MGA: variants seen among roughly 807,000 people sequenced by gnomAD.
The protein encoded by MGA is MAX gene-associated protein.
A neutral mutation model predicts 261.1 loss-of-function variants in MGA; 40 were observed. That is an observed-to-expected ratio of 0.15 (90% confidence interval 0.12 to 0.20). The LOEUF is 0.20. MGA is among the 10% of genes least tolerant of loss of function. The pLI is 1.00. For missense variants in MGA, 3,397 were observed against 3,630.5 expected (o/e 0.94, Z 1.65); for synonymous variants, 1,302 against 1,290.6 (o/e 1.01, Z -0.19).
chr15:41,698,661 T>C (rs1295680738), intron 3 of MGA, among the ~76,000 whole-genome samples: 1 of 152,172 alleles, frequency 6.6e-6, no homozygotes, highest in Non-Finnish European at 1.5e-5. Context: ...TTTCCCCTTC[T>C]GATTATTAAA....
At chr15:41,708,044 T>A in intron 6 of MGA, 60 bp from the exon 7 acceptor site, 1 of 1,412,672 alleles carries the variant, frequency 7.1e-7, no homozygotes, top group Non-Finnish European at 9.6e-7. Flanking sequence ...ATTAATTAAC[T>A]AGGTCCATAA....
chr15:41,655,399 C>G (rs1347441884), upstream of MGA, among the ~76,000 whole-genome samples: 1 of 152,028 alleles, frequency 6.6e-6, no homozygotes, highest in Non-Finnish European at 1.5e-5. Context: ...TCTCGAACTC[C>G]TGACCTCAAG....
intron 10 of MGA, 146 bp downstream of exon 10, chr15:41,727,552 C>G (rs2061314199): frequency 1.4e-6 from 1 of 719,280 alleles, no homozygotes; most frequent in Non-Finnish European, 2.3e-6. Context: ...CTGGTTTAAT[C>G]AGTTTAGTGC....
chr15:41,735,489 G>A (rs535848848), intron 12 of MGA, among the ~76,000 whole-genome samples: 8 of 152,348 alleles, frequency 5.3e-5, no homozygotes, highest in African/African-American at 1.7e-4. Flanking sequence ...TGTAATCCCA[G>A]CACTTTGGGA....
rs1010122542 is a variant in MGA, at chr15:41,717,943, A to C, written c.3430+4447A>C. Among the ~76,000 whole-genome samples, 13 of 152,074 alleles carry C rather than the reference A, an allele frequency of 8.5e-5. No individual in the cohort carries two copies. The South Asian group carries it at 1.0e-3, about 12-fold the overall frequency. The stretch of plus-strand genomic sequence containing the variant: ...GGATTTGTTTAACATTTGAAAAATC[A>C]ATCAGTATACTTTGCCATTACAGTG... On this transcript the variant is annotated intron_variant, in intron 9 of 23. Transcript: ENST00000219905.
chr15:41,719,136 C>A (rs1418558056), intron 9 of MGA, among the ~76,000 whole-genome samples: 3 of 151,792 alleles, frequency 2.0e-5, no homozygotes, highest in African/African-American at 4.8e-5. Flanking sequence ...TAAAAAAATA[C>A]CATTTAAAAT....
intron 2 of MGA, among the ~76,000 whole-genome samples, chr15:41,687,711 C>G (rs1395433501): frequency 6.6e-6 from 1 of 152,130 alleles, no homozygotes; most frequent in Non-Finnish European, 1.5e-5. Flanking sequence ...TGGAAATTAT[C>G]AAGGGTTTGC....
chr15:41,714,433 A>C (rs1031433437), intron 9 of MGA, among the ~76,000 whole-genome samples: 1 of 152,214 alleles, frequency 6.6e-6, no homozygotes, highest in South Asian at 2.1e-4. Context: ...TTGCTGTGAC[A>C]GTGTGTACAT....
Position 41,742,741 on chromosome 15 carries a change from C to G in MGA, c.4781C>G (p.Thr1594Ser). ...CCAGTTCAGGTGTGCAGCCCTGTGA[C>G]TGCTGCTGTCACTACTACCACCCCT... Residue 1594 changes from threonine (T) to serine (S), a missense_variant, in exon 15 of 24, where the codon ACT becomes AGT. Around this residue, in one of 9 missense-constraint regions of MGA, gnomAD observed 1,410 missense variants for 1,386.4 expected, o/e 1.02. Transcript: ENST00000219905. 1.2e-6 allele frequency: 2 copies of G among 1,613,976 alleles called. No homozygotes were observed. Among genetic ancestry groups the G allele is most frequent in the Non-Finnish European group, 1.7e-6 (2 of 1,179,858 alleles).
rs189307099 is a variant in MGA at position 41,688,009 on chromosome 15, C to T, written c.1065-8066C>T. On this transcript the variant is annotated intron_variant, in intron 2 of 23. Coordinates refer to ENST00000219905, the MANE Select transcript of MGA (RefSeq NM_001164273.2). Reference sequence around the variant, plus strand: ...AATATATGATTAGGTACATATACTTCTAGGGTTGTTTATGTTTTCTTGGTT... The same window carrying T: ...AATATATGATTAGGTACATATACTTTTAGGGTTGTTTATGTTTTCTTGGTT... Among the ~76,000 whole-genome samples the T allele has an allele frequency of 6.6e-5, 10 of 152,110 alleles. No homozygotes were observed. The East Asian group carries it at 1.7e-3, about 26-fold the overall frequency.
chr15:41,678,090 ATT>A (rs540221309), intron 2 of MGA, among the ~76,000 whole-genome samples: 20 of 137,580 alleles, frequency 1.5e-4, no homozygotes, highest in Admixed American at 4.4e-4. Context: ...TCAATTTTGA[ATT>A]TTTTTTTTTT....
At chr15:41,691,720 C>G (rs747015609) in intron 2 of MGA, 1 of 404,704 alleles carries the variant, frequency 2.5e-6, no homozygotes, top group Admixed American at 2.4e-5. Context: ...TTCAACACTT[C>G]ATGATTGGCG....
In MGA at chr15:41,767,493, G is replaced by A. The variant is rs2152051865; in HGVS notation, c.*213G>A. 2 of 582,948 alleles carry A rather than the reference G, an allele frequency of 3.4e-6. No individual in the cohort carries two copies. Among genetic ancestry groups the A allele is most frequent in the East Asian group, 2.8e-5 (1 of 35,306 alleles). 36.1% of individuals were successfully genotyped at this position (582,948 alleles called of 1,614,324 possible). A position where few individuals can be genotyped will look rare whatever the true frequency, so the allele number is the denominator to read the frequency against. On this transcript the variant is annotated 3_prime_UTR_variant, in exon 24 of 24. Transcript: ENST00000219905. Reference sequence around the variant, plus strand: ...TGTTAAAATGTGTTACCTCACTTGTGGTGCTGGGTCCCCTCATCCTCTCTA... The same window carrying A: ...TGTTAAAATGTGTTACCTCACTTGTAGTGCTGGGTCCCCTCATCCTCTCTA...
intron 8 of MGA, among the ~76,000 whole-genome samples, chr15:41,712,845 A>G (rs1486076294): frequency 6.6e-6 from 1 of 152,170 alleles, no homozygotes. Context: ...AAACTTTATG[A>G]CACAGGCTGG....
At chr15:41,656,382 C>CTCTCTCTCTCTCTCTCTCTCT (rs2057194512), upstream of MGA, among the ~76,000 whole-genome samples, 1 of 90,404 alleles carries the variant, frequency 1.1e-5, no homozygotes, top group African/African-American at 3.3e-5. Context: ...CTCTCTCACA[C>CTCTCTCTCTCTCTCTCTCTCT]CCAGGCTGGA....
At chr15:41,727,142 CA>C in intron 9 of MGA, 37 bp from the exon 10 acceptor site, 2 of 1,538,966 alleles carry the variant, frequency 1.3e-6, no homozygotes, top group South Asian at 2.5e-5. Context: ...CTTTTGTTGC[CA>C]AAAGTACCTA....
chr15:41,754,467 G>C lies in MGA; in HGVS notation c.7039G>C (p.Glu2347Gln). The C allele has an allele frequency of 6.4e-7, 1 of 1,557,540 alleles. No individual in the cohort carries two copies. The highest frequency in any genetic ancestry group is 1.2e-5 in the South Asian group (1 of 84,366). ...CTGTGTAGAATACATTGAGGATGATGAGGAGCACGTGGACATTGAGACTGT... is the reference window on the plus strand; with the variant it reads ...CTGTGTAGAATACATTGAGGATGATCAGGAGCACGTGGACATTGAGACTGT... The change falls in exon 18 of 24, where the codon GAG (glutamate) becomes CAG (glutamine). Residue 2347 changes from glutamate (E) to glutamine (Q), a missense_variant. Transcript: ENST00000219905.
chr15:41,754,446 G>A lies in MGA; in HGVS notation c.7018G>A (p.Val2340Ile), dbSNP rs1247881417. ...TAATGATGTATTTCAGAATAACTGT[G>A]TAGAATACATTGAGGATGATGAGGA... Residue 2340 changes from valine (V) to isoleucine (I), a missense_variant, in exon 18 of 24, where the codon GTA becomes ATA. Val to Ile is a conservative substitution (Grantham distance 29). This residue lies in a region of MGA where 1,410 missense variants were observed against 1,386.4 expected (regional missense o/e 1.02). Coordinates refer to ENST00000219905, the MANE Select transcript of MGA (RefSeq NM_001164273.2). 1 of 1,548,990 alleles carries A rather than the reference G, an allele frequency of 6.5e-7. No individual in the cohort carries two copies. Among genetic ancestry groups the A allele is most frequent in the Non-Finnish European group, 8.7e-7 (1 of 1,146,566 alleles).
intron 19 of MGA, chr15:41,759,983 A>G (rs191503260): frequency 1.6e-4 from 33 of 211,498 alleles, no homozygotes; most frequent in Non-Finnish European, 2.8e-4. Flanking sequence ...TGTAATTTGT[A>G]TCATGAAAAC....
Sources: gnomAD v4.1 joint callset for allele counts (sites outside exome capture counted in the v4.1 genomes callset) on GRCh38, gnomAD v4.1.1 for gene constraint, gnomAD v4.1.1 regional missense constraint, MANE v1.5 for transcripts, NCBI Gene and HGNC (gene_info 2026-07-23, HGNC 2026-07-21) for gene names.